The following DENND4C variants were observed in gnomAD, a reference collection of about 807,000 sequenced individuals.
The protein encoded by DENND4C is DENN domain containing 4C, also known as DENN domain-containing protein 4C.
A neutral mutation model predicts 203.0 loss-of-function variants in DENND4C; 108 were observed. The observed-to-expected ratio is 0.53, with a 90% CI of 0.46 to 0.62. The LOEUF is 0.62. DENND4C is among the 20% of genes least tolerant of loss of function. DENND4C has a pLI of 0.00. For synonymous variants in DENND4C, 871 were observed against 792.4 expected (o/e 1.10, Z -1.67); for missense variants, 2,481 against 2,301.2 (o/e 1.08, Z -1.60).
At chr9:19,298,014 A>G (rs1242460086) in intron 6 of DENND4C, 42 bp from the exon 7 acceptor site, 1 of 1,467,812 alleles carries the variant, frequency 6.8e-7, no homozygotes, top group Admixed American at 1.8e-5. Flanking sequence ...TGATGCATTT[A>G]GAAAAGTAAT....
chr9:19,272,726 G>GTTTTCT (rs2130855635), intron 1 of DENND4C, among the ~76,000 whole-genome samples: 1 of 152,100 alleles, frequency 6.6e-6, no homozygotes, highest in South Asian at 2.1e-4. Flanking sequence ...TGGGGGAAAT[G>GTTTTCT]TTTTCTTTAT....
At chr9:19,271,408 C>T (rs1279616750) in intron 1 of DENND4C, among the ~76,000 whole-genome samples, 1 of 151,980 alleles carries the variant, frequency 6.6e-6, no homozygotes, top group African/African-American at 2.4e-5. Context: ...TCTATGTTGG[C>T]CAGGCTGTTC....
Position 19,341,045 on chromosome 9 carries a change from G to A in DENND4C, c.2935G>A (p.Ala979Thr). The A allele has an allele frequency of 1.2e-6, 2 of 1,613,210 alleles. No homozygotes were observed. Among genetic ancestry groups the A allele is most frequent in the Non-Finnish European group, 1.7e-6 (2 of 1,179,602 alleles). Reference protein sequence around the residue: ...GSKDELIKDDAEIHVPEEQAA... With the variant: ...GSKDELIKDDTEIHVPEEQAA... Reference sequence around the variant, plus strand: ...TAAGGATGAACTTATAAAGGATGATGCAGAAATTCATGTGCCTGAAGAACA... The same window carrying A: ...TAAGGATGAACTTATAAAGGATGATACAGAAATTCATGTGCCTGAAGAACA... The change falls in exon 21 of 33, where the codon GCA becomes ACA. Residue 979 changes from alanine (A) to threonine (T), a missense_variant. Transcript: ENST00000434457.
At chr9:19,336,934 C>T (rs1443303538) in intron 20 of DENND4C, 102 bp downstream of exon 20, 13 of 1,106,108 alleles carry the variant, frequency 1.2e-5, no homozygotes, top group Non-Finnish European at 1.7e-5. Context: ...GATATGACTA[C>T]TTTAAAAGTA....
At chr9:19,287,607 A>G (rs746417116) in intron 3 of DENND4C, among the ~76,000 whole-genome samples, 1 of 152,154 alleles carries the variant, frequency 6.6e-6, no homozygotes, top group East Asian at 1.9e-4. Context: ...TTGGCCTCCC[A>G]AAGTGTTGGA....
At chr9:19,250,476 G>A (rs905920782) in intron 1 of DENND4C, among the ~76,000 whole-genome samples, 28 of 151,870 alleles carry the variant, frequency 1.8e-4, no homozygotes, top group African/African-American at 5.1e-4. Context: ...ATCTGCCCCC[G>A]CTCAGCCTCC....
chr9:19,236,036 T>G (rs1345036252), intron 1 of DENND4C, among the ~76,000 whole-genome samples: 1 of 152,078 alleles, frequency 6.6e-6, no homozygotes, highest in South Asian at 2.1e-4. Flanking sequence ...GATATTCTCA[T>G]CTGATAATCT....
chr9:19,335,660 A>T (rs1425180754), intron 18 of DENND4C, among the ~76,000 whole-genome samples: 1 of 152,022 alleles, frequency 6.6e-6, no homozygotes, highest in African/African-American at 2.4e-5. Context: ...CTCTGGGTTC[A>T]TTCATATTGT....
At chr9:19,333,490 T>G (rs963499264) in intron 17 of DENND4C, among the ~76,000 whole-genome samples, 8 of 152,176 alleles carry the variant, frequency 5.3e-5, no homozygotes, top group African/African-American at 1.4e-4. Context: ...TGCCTCTCTT[T>G]CCCTGCACAG....
At chr9:19,249,730 GC>G (rs1826103544) in intron 1 of DENND4C, among the ~76,000 whole-genome samples, 1 of 151,986 alleles carries the variant, frequency 6.6e-6, no homozygotes. Context: ...TGTTTCACAG[GC>G]TATAATGCAG....
In DENND4C at chr9:19,342,725, A is replaced by G; in HGVS notation, c.3097A>G (p.Ile1033Val). The change falls in exon 22 of 33, where the codon ATT becomes GTT. Residue 1033 changes from isoleucine to valine, a missense_variant. Ile to Val is a conservative substitution (Grantham distance 29, BLOSUM62 3). Around this residue, in one of 3 missense-constraint regions of DENND4C, gnomAD observed 2,289 missense variants for 2,113.3 expected, o/e 1.08. Transcript: ENST00000434457. ...PTEPPAWGSS[I>V]VKVPSGIFDV... ...TGAACCTCCTGCATGGGGCAGCAGT[A>G]TTGTGAAAGTTCCGTCTGGTATATT... The G allele has an allele frequency of 6.2e-7, 1 of 1,612,516 alleles. No individual in the cohort carries two copies. The highest frequency in any genetic ancestry group is 1.1e-5 in the South Asian group (1 of 90,760).
chr9:19,357,780 C>T, intron 27 of DENND4C, 185 bp from the exon 28 acceptor site: 1 of 513,874 alleles, frequency 1.9e-6, no homozygotes, highest in Non-Finnish European at 3.4e-6. Flanking sequence ...ACCATCTACT[C>T]CATCCTGTTT....
At chr9:19,340,906 G>C in intron 20 of DENND4C, 86 bp from the exon 21 acceptor site, 2 of 1,240,922 alleles carry the variant, frequency 1.6e-6, no homozygotes, top group South Asian at 3.6e-5. Flanking sequence ...TAATTGTGTA[G>C]ATCAGTGGAA....
intron 1 of DENND4C, among the ~76,000 whole-genome samples, chr9:19,268,991 C>G (rs1831079209): frequency 6.6e-6 from 1 of 152,060 alleles, no homozygotes. Context: ...TTGGGAAGTT[C>G]TCTGTAGTAT....
rs1409716972 is a variant in DENND4C, at chr9:19,360,122, G to C, written c.5161-122G>C. The stretch of plus-strand genomic sequence containing the variant: ...CATTCATTAGCATATTCTCTTGCAT[G>C]TAGCAATGGTCCTAAAATAACTGAT... On this transcript the variant is annotated intron_variant, in intron 28 of 32. Transcript: ENST00000434457. 3.1e-6 allele frequency: 3 copies of C among 977,796 alleles called. No homozygotes were observed. The African/African-American group carries it at 5.0e-5, about 16-fold the overall frequency. The allele number at this position is 977,796 out of a possible 1,614,324, so 60.6% of individuals were successfully genotyped here.
At chr9:19,257,355 C>CA (rs71335406) in intron 1 of DENND4C, among the ~76,000 whole-genome samples, 25,646 of 93,412 alleles carry the variant, frequency 0.27, 2,392 homozygotes, top group Admixed American at 0.32. Context: ...CACTCTGTCT[C>CA]AAAAAAAAAA....
intron 2 of DENND4C, among the ~76,000 whole-genome samples, chr9:19,276,884 A>G (rs1046365118): frequency 6.6e-6 from 1 of 152,100 alleles, no homozygotes; most frequent in African/African-American, 2.4e-5. Context: ...TTGTTTAACT[A>G]AAGAGCAGTC....
intron 23 of DENND4C, among the ~76,000 whole-genome samples, chr9:19,348,792 G>GA (rs367658826): frequency 9.5e-5 from 14 of 147,324 alleles, no homozygotes; most frequent in African/African-American, 2.0e-4. Context: ...TGATAAAAAA[G>GA]AAAAAAAAAA....
intron 12 of DENND4C, 77 bp downstream of exon 12, chr9:19,316,916 C>T: frequency 2.4e-6 from 3 of 1,259,262 alleles, no homozygotes; most frequent in Non-Finnish European, 3.3e-6. Context: ...CCAAGAAATA[C>T]TTATTGTATA....
Sources: gnomAD v4.1 joint callset for allele counts (sites outside exome capture counted in the v4.1 genomes callset) on GRCh38, gnomAD v4.1.1 for gene constraint, gnomAD v4.1.1 regional missense constraint, MANE v1.5 for transcripts, NCBI Gene and HGNC (gene_info 2026-07-23, HGNC 2026-07-21) for gene names.